PDZRN4: variants seen among roughly 807,000 people sequenced by gnomAD.
PDZRN4 encodes the protein PDZ domain-containing RING finger protein 4.
A neutral mutation model predicts 99.0 loss-of-function variants in PDZRN4; 70 were observed. That is an observed-to-expected ratio of 0.71 (90% CI 0.58 to 0.86). The LOEUF is 0.86. PDZRN4 is among the 40% of genes least tolerant of loss of function. The pLI is 0.00. For missense variants in PDZRN4, 1,474 were observed against 1,331.2 expected (o/e 1.11, Z -1.67); for synonymous variants, 551 against 501.6 (o/e 1.10, Z -1.32).
intron 3 of PDZRN4, among the ~76,000 whole-genome samples, chr12:41,315,325 G>T (rs550259079): frequency 6.6e-6 from 1 of 152,014 alleles, no homozygotes; most frequent in Non-Finnish European, 1.5e-5. Context: ...TCACCATAGT[G>T]AAAAAGTCAA....
At chr12:41,476,233 T>C (rs1328276617) in intron 3 of PDZRN4, among the ~76,000 whole-genome samples, 2 of 152,218 alleles carry the variant, frequency 1.3e-5, no homozygotes, top group Non-Finnish European at 2.9e-5. Context: ...CTTTGTTAGG[T>C]TGACTTTACA....
rs78647484 is a variant in PDZRN4, at chr12:41,436,552, C to A, written c.844-69904C>A. Among the ~76,000 whole-genome samples, 40 of 152,284 alleles carry A rather than the reference C, an allele frequency of 2.6e-4. No homozygotes were observed. In the East Asian group the frequency reaches 6.9e-3, roughly 26 times the overall value. ...CCAAGTAATTATTTTTGCTTTGGAA[C>A]CCACCTGCTATCCTGTCCGGTTTAA... On this transcript the variant is annotated intron_variant, in intron 3 of 9. Coordinates refer to ENST00000402685, the MANE Select transcript of PDZRN4 (RefSeq NM_001164595.2).
chr12:41,500,313 G>A (rs1213156283), intron 3 of PDZRN4, among the ~76,000 whole-genome samples: 1 of 151,924 alleles, frequency 6.6e-6, no homozygotes, highest in Non-Finnish European at 1.5e-5. Flanking sequence ...CCTATACCCA[G>A]GGAAATGAAG....
chr12:41,472,292 G>A (rs2253634), intron 3 of PDZRN4, among the ~76,000 whole-genome samples: 5 of 151,806 alleles, frequency 3.3e-5, no homozygotes, highest in East Asian at 1.9e-4. Flanking sequence ...CATGAGCCAC[G>A]GCGCCTGGCC....
chr12:41,364,083 A>G (rs1179044852), intron 3 of PDZRN4, among the ~76,000 whole-genome samples: 1 of 152,128 alleles, frequency 6.6e-6, no homozygotes, highest in East Asian at 1.9e-4. Flanking sequence ...GAAGAAGATC[A>G]TGGAGATTTG....
rs562886308 is a variant in PDZRN4, at chr12:41,401,769, C to T, written c.844-104687C>T. Among the ~76,000 whole-genome samples the T allele has an allele frequency of 4.5e-3, 637 of 140,672 alleles. 1 individual carries two copies. Among genetic ancestry groups the T allele is most frequent in the Middle Eastern group, 7.4e-3 (2 of 270 alleles). 92.3% of individuals were successfully genotyped at this position (140,672 alleles called of 152,430 possible). On this transcript the variant is annotated intron_variant, in intron 3 of 9. Transcript: ENST00000402685. ...TATCTGCAAGATGAAGTCCAAATTC[C>T]GTAGAATGTCACAAAAAGACTATAA...
intron 3 of PDZRN4, among the ~76,000 whole-genome samples, chr12:41,299,040 C>T (rs147071041): frequency 1.7e-4 from 26 of 152,086 alleles, no homozygotes; most frequent in African/African-American, 6.3e-4. Context: ...AGAGTGCTGT[C>T]TCAGACACTA....
At chr12:41,292,012 A>G (rs374286484) in intron 3 of PDZRN4, among the ~76,000 whole-genome samples, 11 of 152,312 alleles carry the variant, frequency 7.2e-5, no homozygotes, top group African/African-American at 2.2e-4. Context: ...GCATCCACCC[A>G]GGTTGTGTTT....
At chr12:41,414,874 C>A (rs1011137402) in intron 3 of PDZRN4, among the ~76,000 whole-genome samples, 4 of 152,126 alleles carry the variant, frequency 2.6e-5, no homozygotes, top group African/African-American at 9.7e-5. Context: ...GAGAAGCGTT[C>A]TTTATTCACA....
chr12:41,482,704 T>C (rs1174510417), intron 3 of PDZRN4, among the ~76,000 whole-genome samples: 1 of 152,132 alleles, frequency 6.6e-6, no homozygotes, highest in African/African-American at 2.4e-5. Flanking sequence ...TCAGTATATT[T>C]TCTACTGTAC....
At chr12:41,526,879 GT>G (rs745867752) in intron 5 of PDZRN4, among the ~76,000 whole-genome samples, 1 of 152,288 alleles carries the variant, frequency 6.6e-6, no homozygotes, top group South Asian at 2.1e-4. Context: ...CACTTCTACT[GT>G]AATATACTGA....
chr12:41,210,035 C>G (rs1459849879), intron 3 of PDZRN4, among the ~76,000 whole-genome samples: 3 of 152,016 alleles, frequency 2.0e-5, no homozygotes, highest in African/African-American at 7.2e-5. Context: ...TAATGATCAC[C>G]ATTCTAACTG....
chr12:41,192,256 ACCACG>A (rs900822410), intron 2 of PDZRN4, among the ~76,000 whole-genome samples: 2 of 152,140 alleles, frequency 1.3e-5, no homozygotes, highest in African/African-American at 2.4e-5. Context: ...GGCGTGTGCC[ACCACG>A]CCCAGCTAAT....
intron 3 of PDZRN4, among the ~76,000 whole-genome samples, chr12:41,497,982 T>A (rs1163637734): frequency 6.1e-5 from 9 of 147,082 alleles, no homozygotes; most frequent in Non-Finnish European, 1.3e-4. Flanking sequence ...TTATGAAACT[T>A]TTTTTTCAGT....
chr12:41,482,144 C>T (rs1281995962), intron 3 of PDZRN4, among the ~76,000 whole-genome samples: 1 of 152,156 alleles, frequency 6.6e-6, no homozygotes, highest in Admixed American at 6.6e-5. Flanking sequence ...TTCTTTTAGA[C>T]TTTTCCTCAT....
chr12:41,295,193 C>T (rs778060627), intron 3 of PDZRN4, among the ~76,000 whole-genome samples: 1 of 152,096 alleles, frequency 6.6e-6, no homozygotes, highest in Non-Finnish European at 1.5e-5. Flanking sequence ...ATCTTCTACT[C>T]ACCCTTTGTG....
chr12:41,450,042 A>T (rs534144096), intron 3 of PDZRN4, among the ~76,000 whole-genome samples: 1 of 152,098 alleles, frequency 6.6e-6, no homozygotes, highest in Admixed American at 6.5e-5. Flanking sequence ...TAAAATGAGA[A>T]TTTCTTCAAC....
At chr12:41,316,494 GTA>G (rs894874363) in intron 3 of PDZRN4, among the ~76,000 whole-genome samples, 7 of 145,412 alleles carry the variant, frequency 4.8e-5, no homozygotes, top group African/African-American at 2.6e-5. Flanking sequence ...GTGTGTGTGT[GTA>G]TAAAATAAAA....
chr12:41,271,572 T>G (rs1211135416), intron 3 of PDZRN4, among the ~76,000 whole-genome samples: 2 of 152,144 alleles, frequency 1.3e-5, no homozygotes. Context: ...TTCCTTTCCC[T>G]TGTTCCTAGC....
Sources: allele counts gnomAD v4.1 joint callset (sites outside exome capture counted in the v4.1 genomes callset), GRCh38; gene constraint gnomAD v4.1.1; transcripts MANE v1.5; gene names NCBI Gene and HGNC (gene_info 2026-07-23, HGNC 2026-07-21).